HIVEP2: variants seen among roughly 807,000 people sequenced by gnomAD.
The protein encoded by HIVEP2 is HIVEP zinc finger 2, also known as transcription factor HIVEP2.
HIVEP2 carries 14 observed loss-of-function variants against 180.7 expected under a neutral mutation model. The observed-to-expected ratio is 0.08, with a 90% CI of 0.05 to 0.12. The LOEUF (loss-of-function observed/expected upper bound fraction) is 0.12. HIVEP2 is among the 10% of genes least tolerant of loss of function. HIVEP2 has a pLI of 1.00. For synonymous variants in HIVEP2, 1,184 were observed against 1,136.4 expected, an observed-to-expected ratio of 1.04 and a Z score of -0.84; for missense variants, 2,579 against 3,008.5, an observed-to-expected ratio of 0.86 and a Z score of 3.34.
In HIVEP2 at chr6:142,774,911, G is replaced by A; in HGVS notation, c.-173C>T. ...TCCACACGCACACCACAGTCGATGG[G>A]CATTAGCTAGTAATGTCCTTGGACC... is the stretch of plus-strand genomic sequence containing the variant. On this transcript the variant is annotated 5_prime_UTR_variant, in exon 5 of 10. Transcript: ENST00000367603. This position sits in a 1 kb window ranked among gnomAD's most constrained non-coding sequence, Gnocchi z 5.1. 1 of 1,466,792 alleles carries A rather than the reference G, an allele frequency of 6.8e-7. No homozygotes were observed. Among genetic ancestry groups the A allele is most frequent in the Non-Finnish European group, 9.0e-7 (1 of 1,116,772 alleles). 90.9% of individuals were successfully genotyped at this position (1,466,792 alleles called of 1,614,324 possible). A position where few individuals can be genotyped will look rare whatever the true frequency, so the allele number is the denominator to read the frequency against.
chr6:142,914,980 C>T (rs1777514279), intron 1 of HIVEP2, among the ~76,000 whole-genome samples: 1 of 152,168 alleles, frequency 6.6e-6, no homozygotes, highest in Non-Finnish European at 1.5e-5. Flanking sequence ...TTTTTCCCCA[C>T]TATTTCTCCC....
chr6:142,916,685 A>G (rs1235881964), intron 1 of HIVEP2, among the ~76,000 whole-genome samples: 1 of 152,184 alleles, frequency 6.6e-6, no homozygotes, highest in African/African-American at 2.4e-5. Context: ...TAAGAGTAGG[A>G]AAGAAGTTAT....
intron 2 of HIVEP2, among the ~76,000 whole-genome samples, chr6:142,827,837 C>T (rs770104990): frequency 1.3e-5 from 2 of 152,198 alleles, no homozygotes; most frequent in Non-Finnish European, 2.9e-5. Context: ...CAAATGACAC[C>T]TCTAAGACCA....
At chr6:142,930,334 T>G (rs954924773) in intron 1 of HIVEP2, among the ~76,000 whole-genome samples, 7 of 152,218 alleles carry the variant, frequency 4.6e-5, no homozygotes, top group Non-Finnish European at 1.0e-4. Flanking sequence ...ACCTACTTGC[T>G]TGCTTCACAA....
intron 2 of HIVEP2, among the ~76,000 whole-genome samples, chr6:142,812,821 G>T (rs1562246047): frequency 6.6e-6 from 1 of 152,108 alleles, no homozygotes; most frequent in East Asian, 1.9e-4. Context: ...TTCAAAATTT[G>T]ATATATATAA....
intron 1 of HIVEP2, among the ~76,000 whole-genome samples, chr6:142,906,359 T>A (rs147420328): frequency 7.2e-5 from 11 of 152,030 alleles, no homozygotes; most frequent in African/African-American, 2.6e-4. Context: ...ATATTTAAAA[T>A]ATATAAAAAG....
At chr6:142,897,432 G>C (rs1396536887) in intron 1 of HIVEP2, among the ~76,000 whole-genome samples, 2 of 152,198 alleles carry the variant, frequency 1.3e-5, no homozygotes, top group African/African-American at 4.8e-5. Context: ...AGCACTATTT[G>C]TAAGAGCCAA....
chr6:142,770,958 C>T lies in HIVEP2; in HGVS notation c.3781G>A (p.Ala1261Thr). 1 of 1,614,142 alleles carries T rather than the reference C, an allele frequency of 6.2e-7. No individual in the cohort carries two copies. Among genetic ancestry groups the T allele is most frequent in the Non-Finnish European group, 8.5e-7 (1 of 1,180,016 alleles). The change falls in exon 5 of 10, where the codon GCA becomes ACA. Residue 1261 changes from alanine (A) to threonine (T), a missense_variant. Ala to Thr is a moderately conservative substitution (Grantham distance 58, BLOSUM62 0). Around this residue, in one of 11 missense-constraint regions of HIVEP2, gnomAD observed 523 missense variants for 577.0 expected, o/e 0.91. Coordinates refer to ENST00000367603, the MANE Select transcript of HIVEP2 (RefSeq NM_006734.4). This position sits in a 1 kb window ranked among gnomAD's most constrained non-coding sequence, Gnocchi z 4.7. ...IHSSYPLEHV[A>T]EHTGKKPAEY... ...GCAGGTTTCTTTCCAGTGTGCTCTGCCACATGCTCTAAGGGATAGCTCGAA... is the reference window on the plus strand; with the variant it reads ...GCAGGTTTCTTTCCAGTGTGCTCTGTCACATGCTCTAAGGGATAGCTCGAA...
At chr6:142,913,687 A>T (rs1777476323) in intron 1 of HIVEP2, among the ~76,000 whole-genome samples, 1 of 152,212 alleles carries the variant, frequency 6.6e-6, no homozygotes, top group Admixed American at 6.5e-5. Flanking sequence ...AGTCGACTGC[A>T]GGGGGTGCTG....
At chr6:142,796,001 A>G (rs1314814599) in intron 2 of HIVEP2, among the ~76,000 whole-genome samples, 1 of 151,954 alleles carries the variant, frequency 6.6e-6, no homozygotes, top group Non-Finnish European at 1.5e-5. Context: ...TTTCTCCACC[A>G]CTCTATGGGG....
intron 3 of HIVEP2, among the ~76,000 whole-genome samples, chr6:142,782,115 T>C (rs1775875284): frequency 1.3e-5 from 2 of 152,202 alleles, no homozygotes; most frequent in Non-Finnish European, 2.9e-5. Context: ...TTTTTAAAAA[T>C]GTAAATGGTC....
chr6:142,899,102 T>A (rs1777068243), intron 1 of HIVEP2, among the ~76,000 whole-genome samples: 2 of 152,152 alleles, frequency 1.3e-5, no homozygotes, highest in South Asian at 4.1e-4. Context: ...CTTGACCTGG[T>A]CGTGGCCAAG....
intron 1 of HIVEP2, among the ~76,000 whole-genome samples, chr6:142,871,537 T>A (rs564380753): frequency 3.9e-5 from 6 of 152,256 alleles, no homozygotes; most frequent in South Asian, 2.1e-4. Context: ...AATAATTCTA[T>A]CTGCATTTTT....
intron 1 of HIVEP2, among the ~76,000 whole-genome samples, chr6:142,942,111 A>G (rs1181914453): frequency 1.3e-5 from 2 of 152,182 alleles, no homozygotes; most frequent in African/African-American, 4.8e-5. Flanking sequence ...AACATTTTCT[A>G]TCATTCTTTA....
intron 9 of HIVEP2, among the ~76,000 whole-genome samples, chr6:142,755,208 G>C (rs1775033095): frequency 6.6e-6 from 1 of 152,172 alleles, no homozygotes; most frequent in South Asian, 2.1e-4. Context: ...TCATATGCAA[G>C]CTGGAAACAT....
At position 142,775,053 on chromosome 6, in the gene HIVEP2, G is replaced by C; in HGVS notation, c.-315C>G. The C allele has an allele frequency of 9.2e-7, 1 of 1,082,852 alleles. No individual in the cohort carries two copies. Among genetic ancestry groups the C allele is most frequent in the Non-Finnish European group, 1.1e-6 (1 of 891,472 alleles). 67.1% of individuals were successfully genotyped at this position (1,082,852 alleles called of 1,614,324 possible). On this transcript the variant is annotated 5_prime_UTR_variant, in exon 5 of 10. Coordinates refer to ENST00000367603, the MANE Select transcript of HIVEP2 (RefSeq NM_006734.4). The stretch of plus-strand genomic sequence containing the variant: ...TCAACTAGGATGAAATTGGGATGAT[G>C]AATAGTCTAGGAGAAATTTTGCCCA...
intron 1 of HIVEP2, among the ~76,000 whole-genome samples, chr6:142,896,458 T>G (rs1479437748): frequency 6.6e-6 from 1 of 152,150 alleles, no homozygotes. Context: ...CTAGAGGGGC[T>G]GAGAAAAAGC....
At chr6:142,794,902 C>T (rs1205475722) in intron 2 of HIVEP2, among the ~76,000 whole-genome samples, 1 of 152,150 alleles carries the variant, frequency 6.6e-6, no homozygotes, top group East Asian at 1.9e-4. Flanking sequence ...CTTCAACTAT[C>T]CTAAGTGTTA....
At chr6:142,914,743 T>G (rs1398604716) in intron 1 of HIVEP2, among the ~76,000 whole-genome samples, 1 of 152,206 alleles carries the variant, frequency 6.6e-6, no homozygotes, top group African/African-American at 2.4e-5. Flanking sequence ...CATAAATATC[T>G]AATATTCTTT....
Sources: allele counts gnomAD v4.1 joint callset (sites outside exome capture counted in the v4.1 genomes callset), GRCh38; gene constraint gnomAD v4.1.1; regional missense constraint gnomAD v4.1.1; non-coding constraint Gnocchi (gnomAD v3.1); transcripts MANE v1.5; gene names NCBI Gene and HGNC (gene_info 2026-07-23, HGNC 2026-07-21).